The following FRMPD4 variants were observed in gnomAD, a reference collection of about 807,000 sequenced individuals.
FRMPD4 encodes the protein FERM and PDZ domain-containing protein 4.
Under a neutral mutation model 94.1 loss-of-function variants are expected in FRMPD4, and 22 were observed. The ratio of observed to expected loss-of-function variants is 0.23; its 90% CI spans 0.17 to 0.33. The LOEUF is 0.33. FRMPD4 is among the 10% of genes least tolerant of loss of function. The pLI is 1.00. For missense variants in FRMPD4, 1,111 were observed against 1,339.9 expected, an observed-to-expected ratio of 0.83 and a Z score of 2.67; for synonymous variants, 631 against 548.6, an observed-to-expected ratio of 1.15 and a Z score of -2.10.
chrX:12,204,614 G>C (rs2056669807), intron 1 of FRMPD4, among the ~76,000 whole-genome samples: 1 of 110,616 alleles, frequency 9.0e-6, no homozygotes, highest in Admixed American at 9.6e-5. Context: ...CCTGAGAGCA[G>C]CCTGTCTGTC....
chrX:12,032,422 G>T (rs889208694), intron 3 of FRMPD4, among the ~76,000 whole-genome samples: 7 of 112,190 alleles, frequency 6.2e-5, no homozygotes, highest in Non-Finnish European at 1.9e-5. Context: ...AAGTTAGCTG[G>T]AAATATCCTT....
chrX:12,101,243 T>A (rs752242511), intron 3 of FRMPD4, among the ~76,000 whole-genome samples: 1 of 111,682 alleles, frequency 9.0e-6, no homozygotes, highest in East Asian at 2.8e-4. Flanking sequence ...GAGATGTGTG[T>A]TTCCATAGAT....
At chrX:12,474,635 A>G (rs1601991752) in intron 1 of FRMPD4, among the ~76,000 whole-genome samples, 1 of 111,940 alleles carries the variant, frequency 8.9e-6, no homozygotes, top group African/African-American at 3.2e-5. Flanking sequence ...GGATATCATC[A>G]CCGATCCCAG....
intron 3 of FRMPD4, among the ~76,000 whole-genome samples, chrX:11,892,949 C>T (rs767395941): frequency 4.5e-5 from 5 of 111,808 alleles, no homozygotes; most frequent in Non-Finnish European, 7.5e-5. Context: ...TTGGGGGTTA[C>T]ATCCTAGGTT....
intron 4 of FRMPD4, among the ~76,000 whole-genome samples, chrX:12,663,189 A>G (rs768979671): frequency 2.7e-5 from 3 of 112,104 alleles, no homozygotes; most frequent in Non-Finnish European, 5.6e-5. Context: ...TTTGCTGTGC[A>G]GAAGCTCTTT....
At chrX:12,549,281 A>C (rs1049614508) in intron 2 of FRMPD4, among the ~76,000 whole-genome samples, 20 of 111,875 alleles carry the variant, frequency 1.8e-4, no homozygotes, top group African/African-American at 6.2e-4. Context: ...TTCCTGGGCC[A>C]GCTTATAAGT....
chrX:11,845,093 T>C (rs1223830485), intron 1 of FRMPD4, among the ~76,000 whole-genome samples: 1 of 112,332 alleles, frequency 8.9e-6, no homozygotes, highest in Non-Finnish European at 1.9e-5. Flanking sequence ...ATTGAGTTAT[T>C]GATATCATAC....
intron 3 of FRMPD4, among the ~76,000 whole-genome samples, chrX:11,963,857 G>A (rs1295772611): frequency 9.0e-6 from 1 of 111,601 alleles, no homozygotes; most frequent in Admixed American, 9.5e-5. Flanking sequence ...ATTGATAGGA[G>A]GCAGAATGCA....
At chrX:12,552,036 C>T (rs1260433721) in intron 2 of FRMPD4, among the ~76,000 whole-genome samples, 1 of 111,788 alleles carries the variant, frequency 8.9e-6, no homozygotes, top group Non-Finnish European at 1.9e-5. Flanking sequence ...GGTTCCCTAG[C>T]ATCCCCCAAA....
rs530755812 is a variant in FRMPD4, at chrX:12,309,178, G to T, written c.41+170166G>T. 4.6e-4 allele frequency among the ~76,000 whole-genome samples: 51 copies of T among 111,760 alleles called. No individual in the cohort carries two copies. The South Asian group carries it at 0.018, about 40-fold the overall frequency. On this transcript the variant is annotated intron_variant, in intron 1 of 16. Transcript: ENST00000675598. Reference sequence around the variant, plus strand: ...CAATACACCTTTATTTACCAAAACAGGTGGCTGTGGAATTTTGCCCAGGGG... The same window carrying T: ...CAATACACCTTTATTTACCAAAACATGTGGCTGTGGAATTTTGCCCAGGGG...
chrX:11,975,837 C>T (rs1013921137), intron 3 of FRMPD4, among the ~76,000 whole-genome samples: 16 of 111,792 alleles, frequency 1.4e-4, no homozygotes, highest in Admixed American at 1.3e-3. Context: ...CCTGAAAAGT[C>T]CATGTCTATA....
intron 1 of FRMPD4, among the ~76,000 whole-genome samples, chrX:11,863,353 A>ATCATT (rs1368956464): frequency 9.0e-6 from 1 of 110,782 alleles, no homozygotes; most frequent in Non-Finnish European, 1.9e-5. Context: ...ACATGAACTC[A>ATCATT]TCATTTTTTA....
At chrX:12,322,144 G>T (rs375782590) in intron 1 of FRMPD4, among the ~76,000 whole-genome samples, 1 of 111,618 alleles carries the variant, frequency 9.0e-6, no homozygotes, top group South Asian at 3.8e-4. Flanking sequence ...CTTCTCTGGG[G>T]ATTGGAAGGA....
At chrX:12,463,681 G>GTTTTTTTTTTTTTTT (rs764684007) in intron 1 of FRMPD4, among the ~76,000 whole-genome samples, 1 of 51,046 alleles carries the variant, frequency 2.0e-5, no homozygotes, top group African/African-American at 8.6e-5. Flanking sequence ...CTATGTGTGT[G>GTTTTTTTTTTTTTTT]TTTTTTTTTT....
chrX:12,298,269 A>G (rs1000685329), intron 1 of FRMPD4, among the ~76,000 whole-genome samples: 1 of 112,504 alleles, frequency 8.9e-6, no homozygotes. Flanking sequence ...GGAGCTACAC[A>G]CAGATCCCCT....
At chrX:12,479,385 T>TATATACATACATATATACAC (rs2057645420) in intron 1 of FRMPD4, among the ~76,000 whole-genome samples, 3 of 84,576 alleles carry the variant, frequency 3.5e-5, no homozygotes, top group Admixed American at 2.9e-4. Flanking sequence ...TATATACACA[T>TATATACATACATATATACAC]ATATATATAC....
At chrX:11,894,963 T>A (rs916901596) in intron 3 of FRMPD4, among the ~76,000 whole-genome samples, 10 of 111,935 alleles carry the variant, frequency 8.9e-5, no homozygotes, top group African/African-American at 2.9e-4. Flanking sequence ...GGGGAAGGCA[T>A]TGGAGACAGA....
intron 10 of FRMPD4, among the ~76,000 whole-genome samples, chrX:12,702,744 T>C (rs1234150369): frequency 8.9e-6 from 1 of 112,543 alleles, no homozygotes; most frequent in Non-Finnish European, 1.9e-5. Context: ...TCAACACCAC[T>C]GTTCTGACAA....
At chrX:12,420,500 C>T (rs914518378) in intron 1 of FRMPD4, among the ~76,000 whole-genome samples, 6 of 112,005 alleles carry the variant, frequency 5.4e-5, no homozygotes, top group Non-Finnish European at 1.1e-4. Context: ...CTCTCATCAC[C>T]TGCCCTCCCT....
Sources: gnomAD v4.1 joint callset for allele counts (sites outside exome capture counted in the v4.1 genomes callset) on GRCh38, gnomAD v4.1.1 for gene constraint, MANE v1.5 for transcripts, NCBI Gene and HGNC (gene_info 2026-07-23, HGNC 2026-07-21) for gene names.